DPP10: variants seen among roughly 807,000 people sequenced by gnomAD.
The protein encoded by DPP10 is dipeptidyl peptidase like 10, also known as inactive dipeptidyl peptidase 10.
A neutral mutation model predicts 120.9 loss-of-function variants in DPP10; 33 were observed. That is an observed-to-expected ratio of 0.27 (90% CI 0.21 to 0.37). DPP10 has a LOEUF of 0.37. DPP10 is among the 10% of genes least tolerant of loss of function. The probability of loss-of-function intolerance (pLI) is 1.00; values close to 1 mark genes in which losing one functional copy is unlikely to be tolerated. For synonymous variants in DPP10, 337 were observed against 326.1 expected, an observed-to-expected ratio of 1.03 and a Z score of -0.36; for missense variants, 816 against 942.8, an observed-to-expected ratio of 0.87 and a Z score of 1.76.
At chr2:115,488,880 TA>T (rs35020299) in intron 3 of DPP10, among the ~76,000 whole-genome samples, 6,650 of 126,634 alleles carry the variant, frequency 0.053, 209 homozygotes, top group East Asian at 0.13. Context: ...TAGAGTATAA[TA>T]AAAAAAAAAA....
intron 1 of DPP10, among the ~76,000 whole-genome samples, chr2:115,196,615 G>C (rs139026036): frequency 6.6e-6 from 1 of 152,082 alleles, no homozygotes; most frequent in African/African-American, 2.4e-5. Context: ...CTTCATGTTA[G>C]TGGGTAACTA....
At chr2:114,880,936 A>C (rs1183963871) in intron 1 of DPP10, among the ~76,000 whole-genome samples, 1 of 152,120 alleles carries the variant, frequency 6.6e-6, no homozygotes. Context: ...AAAGGGCTAG[A>C]CTGGAGCAAG....
At chr2:115,643,646 T>C (rs1372223035) in intron 5 of DPP10, among the ~76,000 whole-genome samples, 2 of 152,216 alleles carry the variant, frequency 1.3e-5, no homozygotes, top group African/African-American at 4.8e-5. Context: ...TACTTGTACT[T>C]TTACTGGCAT....
At chr2:115,290,758 A>T (rs1163312315) in intron 1 of DPP10, among the ~76,000 whole-genome samples, 1 of 152,182 alleles carries the variant, frequency 6.6e-6, no homozygotes, top group East Asian at 1.9e-4. Context: ...TGGTGCATCA[A>T]TAATCATGCA....
chr2:115,453,314 C>A (rs1409409280), intron 3 of DPP10, among the ~76,000 whole-genome samples: 1 of 151,130 alleles, frequency 6.6e-6, no homozygotes, highest in Non-Finnish European at 1.5e-5. Context: ...TTTTTTTATT[C>A]TTTTCTTGCC....
At chr2:115,729,508 G>A (rs1022620999) in intron 8 of DPP10, among the ~76,000 whole-genome samples, 1 of 152,164 alleles carries the variant, frequency 6.6e-6, no homozygotes, top group African/African-American at 2.4e-5. Context: ...GCTCAAGCCT[G>A]TAATCTCAGA....
intron 5 of DPP10, among the ~76,000 whole-genome samples, chr2:115,566,250 ATTTTC>A (rs2081002124): frequency 6.6e-6 from 1 of 151,950 alleles, no homozygotes; most frequent in South Asian, 2.1e-4. Context: ...AGTATTTATA[ATTTTC>A]TGTATATAAA....
chr2:114,835,867 C>A lies in DPP10; in HGVS notation c.60+393029C>A, dbSNP rs532026426. 4.9e-3 allele frequency among the ~76,000 whole-genome samples: 741 copies of A among 152,218 alleles called. 5 individuals are homozygous for A. The highest frequency in any genetic ancestry group is 0.016 in the African/African-American group (684 of 41,542). ...TATATATAATTAGTGCTCAGCTGTA[C>A]AATTCAGCATATAAGTAGAAATTAT... On this transcript the variant is annotated intron_variant, in intron 1 of 25. Coordinates refer to ENST00000410059, the MANE Select transcript of DPP10 (RefSeq NM_020868.6).
chr2:114,591,368 A>G (rs1248158182), intron 1 of DPP10, among the ~76,000 whole-genome samples: 1 of 152,186 alleles, frequency 6.6e-6, no homozygotes, highest in African/African-American at 2.4e-5. Flanking sequence ...TGGGAAGGCC[A>G]GACTGGTCCA....
chr2:115,334,615 C>T (rs554844644), intron 2 of DPP10, among the ~76,000 whole-genome samples: 14 of 151,994 alleles, frequency 9.2e-5, no homozygotes, highest in Non-Finnish European at 1.8e-4. Context: ...GAAGCAACTT[C>T]ATATTGTGTT....
chr2:114,945,589 TG>T (rs1359843097), intron 1 of DPP10, among the ~76,000 whole-genome samples: 1 of 151,748 alleles, frequency 6.6e-6, no homozygotes, highest in Non-Finnish European at 1.5e-5. Flanking sequence ...CCGAGGCGGG[TG>T]GATCACCTGA....
chr2:115,780,745 T>C, intron 15 of DPP10, 129 bp from the exon 16 acceptor site: 1 of 741,418 alleles, frequency 1.3e-6, no homozygotes, highest in Non-Finnish European at 2.0e-6. Context: ...TGATTCATAG[T>C]TTACAGTGAA....
intron 1 of DPP10, among the ~76,000 whole-genome samples, chr2:114,485,478 C>A (rs1371305795): frequency 8.2e-6 from 1 of 122,252 alleles, no homozygotes; most frequent in South Asian, 2.4e-4. Flanking sequence ...TTTTTTTTTG[C>A]GGGGAGGGGA....
At chr2:115,151,141 G>A (rs779147635) in intron 1 of DPP10, among the ~76,000 whole-genome samples, 6 of 151,816 alleles carry the variant, frequency 4.0e-5, no homozygotes, top group East Asian at 1.9e-4. Flanking sequence ...TAAAACCTCC[G>A]GTCCATATTG....
At chr2:115,256,091 T>C (rs1350125833) in intron 1 of DPP10, among the ~76,000 whole-genome samples, 8 of 152,162 alleles carry the variant, frequency 5.3e-5, no homozygotes, top group South Asian at 2.1e-4. Context: ...GACCGGGTAA[T>C]TTATAAAGGA....
At chr2:114,964,210 T>G (rs574499358) in intron 1 of DPP10, among the ~76,000 whole-genome samples, 1 of 152,308 alleles carries the variant, frequency 6.6e-6, no homozygotes, top group South Asian at 2.1e-4. Flanking sequence ...TATTTACAAA[T>G]GGGGAATTAT....
At chr2:115,219,726 C>T (rs2105406365) in intron 1 of DPP10, among the ~76,000 whole-genome samples, 1 of 152,262 alleles carries the variant, frequency 6.6e-6, no homozygotes, top group African/African-American at 2.4e-5. Flanking sequence ...GTTAGTCACA[C>T]TTTGAGAAAC....
intron 3 of DPP10, among the ~76,000 whole-genome samples, chr2:115,462,653 A>C (rs1258313073): frequency 1.3e-5 from 2 of 152,222 alleles, no homozygotes; most frequent in African/African-American, 2.4e-5. Flanking sequence ...TATAAAATAA[A>C]AGTATTATAA....
At chr2:115,622,349 C>A (rs1339038321) in intron 5 of DPP10, among the ~76,000 whole-genome samples, 1 of 152,138 alleles carries the variant, frequency 6.6e-6, no homozygotes, top group Non-Finnish European at 1.5e-5. Context: ...GTTGTAGCAT[C>A]TATCAGTGCT....
Sources: allele counts gnomAD v4.1 joint callset (sites outside exome capture counted in the v4.1 genomes callset), GRCh38; gene constraint gnomAD v4.1.1; transcripts MANE v1.5; gene names NCBI Gene and HGNC (gene_info 2026-07-23, HGNC 2026-07-21).